The following CRYBG3 variants were observed in gnomAD, a reference collection of about 807,000 sequenced individuals.
CRYBG3 encodes the protein crystallin beta-gamma domain containing 3.
CRYBG3 carries 127 observed loss-of-function variants against 244.2 expected under a neutral mutation model. That is an observed-to-expected ratio of 0.52 (90% CI 0.45 to 0.60). CRYBG3 has a LOEUF of 0.60. Among genes scored for constraint, CRYBG3 ranks in the 20% least tolerant of loss-of-function variants. The pLI is 0.00. For synonymous variants in CRYBG3, 1,132 were observed against 1,195.8 expected (o/e 0.95, Z 1.10); for missense variants, 3,325 against 3,442.5 (o/e 0.97, Z 0.85).
chr3:97,935,060 G>T (rs988817479), intron 18 of CRYBG3, among the ~76,000 whole-genome samples: 1 of 151,948 alleles, frequency 6.6e-6, no homozygotes, highest in African/African-American at 2.4e-5. Flanking sequence ...AACAGTGAAG[G>T]CTGCCTAAGG....
intron 21 of CRYBG3, 65 bp downstream of exon 21, chr3:97,942,508 T>C: frequency 7.0e-7 from 1 of 1,422,788 alleles, no homozygotes; most frequent in African/African-American, 1.4e-5. Context: ...AATCTCCTCA[T>C]TTTGGGTAAA....
chr3:97,908,126 T>C (rs934965888), intron 15 of CRYBG3, among the ~76,000 whole-genome samples: 27 of 152,330 alleles, frequency 1.8e-4, no homozygotes, highest in African/African-American at 6.0e-4. Context: ...TTGTTATTAT[T>C]TCTATTCTTT....
At chr3:97,918,502 T>G (rs1047041901) in intron 17 of CRYBG3, among the ~76,000 whole-genome samples, 2 of 152,210 alleles carry the variant, frequency 1.3e-5, no homozygotes, top group Non-Finnish European at 2.9e-5. Flanking sequence ...TTTCAAATCA[T>G]GGACAGCCTC....
In CRYBG3 at chr3:97,899,391, A is replaced by T. The variant is rs773336378; in HGVS notation, c.7971+128A>T. ...TGTGTATATAGAAAGAAAATGCAAT[A>T]TCACTTGAATTTCTATAGACTCCAT... On this transcript the variant is annotated intron_variant, in intron 14 of 21. Coordinates refer to ENST00000389622, the MANE Select transcript of CRYBG3 (RefSeq NM_153605.4). 1.3e-4 allele frequency: 127 copies of T among 942,252 alleles called. 1 individual carries two copies. The highest frequency in any genetic ancestry group is 1.7e-5 in the African/African-American group (1 of 59,630). 58.4% of individuals were successfully genotyped at this position (942,252 alleles called of 1,614,324 possible). A position where few individuals can be genotyped will look rare whatever the true frequency, so the allele number is the denominator to read the frequency against.
At position 97,888,378 on chromosome 3, in the gene CRYBG3, G is replaced by A; in HGVS notation, c.7327G>A (p.Ala2443Thr). The change falls in exon 9 of 22, where the codon GCT (alanine) becomes ACT (threonine). Residue 2443 changes from alanine (A) to threonine (T), a missense_variant. Transcript: ENST00000389622. ...AYPDINFKGQ[A>T]TVLEEDHGLF... ...CCCAGATATTAATTTTAAGGGACAA[G>A]CTACAGTTCTGGAGGAAGACCATGG... 6.2e-7 allele frequency: 1 copy of A among 1,612,562 alleles called. No individual in the cohort carries two copies. Among genetic ancestry groups the A allele is most frequent in the Non-Finnish European group, 8.5e-7 (1 of 1,179,010 alleles).
intron 2 of CRYBG3, among the ~76,000 whole-genome samples, chr3:97,847,645 G>A (rs1423604180): frequency 1.2e-4 from 18 of 152,086 alleles, no homozygotes; most frequent in African/African-American, 2.4e-4. Context: ...TATCTGGACC[G>A]CAGGTTATAG....
At chr3:97,828,548 C>T (rs1006586351) in intron 1 of CRYBG3, among the ~76,000 whole-genome samples, 7 of 148,768 alleles carry the variant, frequency 4.7e-5, no homozygotes, top group Non-Finnish European at 8.9e-5. Flanking sequence ...AAAAAAAAGC[C>T]GGGCGTGGTG....
chr3:97,882,674 A>G (rs894836467), intron 7 of CRYBG3, among the ~76,000 whole-genome samples: 10 of 152,210 alleles, frequency 6.6e-5, no homozygotes, highest in African/African-American at 2.2e-4. Flanking sequence ...CAAGTTATGG[A>G]GATTTCATTT....
chr3:97,893,015 T>C, intron 11 of CRYBG3, 22 bp downstream of exon 11: 1 of 1,584,110 alleles, frequency 6.3e-7, no homozygotes, highest in Non-Finnish European at 8.6e-7. Context: ...ATTTTTAACA[T>C]TTGCACAAGT....
Position 97,865,399 on chromosome 3 carries a change from A to G in CRYBG3, c.647+752A>G, listed in dbSNP as rs76039384. 1.8e-4 allele frequency among the ~76,000 whole-genome samples: 28 copies of G among 152,332 alleles called. No homozygotes were observed. In the East Asian group the frequency reaches 5.4e-3, roughly 29 times the overall value. On this transcript the variant is annotated intron_variant, in intron 3 of 21. Coordinates refer to ENST00000389622, the MANE Select transcript of CRYBG3 (RefSeq NM_153605.4). ...AGTGAGATATAAGCACTACCTTATAATTATACAGTTCTTTATAGTTTCCAG... is the reference window on the plus strand; with the variant it reads ...AGTGAGATATAAGCACTACCTTATAGTTATACAGTTCTTTATAGTTTCCAG...
Position 97,873,978 on chromosome 3 carries a change from C to T in CRYBG3, c.2784C>T (p.Ala928=), listed in dbSNP as rs2039337882. Residue 928 remains alanine (A), a synonymous_variant, in exon 4 of 22, where the codon GCC becomes GCT. Coordinates refer to ENST00000389622, the MANE Select transcript of CRYBG3 (RefSeq NM_153605.4). ...ATAAGCCAGAACCAGAGGTAGATGC[C>T]TTAGGCTCTCCTCCTGCTCTTCTTA... The part of the protein sequence containing the change: ...YEDKPEPEVD[A]LGSPPALLKS... The T allele has an allele frequency of 3.3e-6, 5 of 1,534,470 alleles. No homozygotes were observed. Among genetic ancestry groups the T allele is most frequent in the Non-Finnish European group, 4.4e-6 (5 of 1,146,524 alleles).
Position 97,872,534 on chromosome 3 carries a change from C to A in CRYBG3, c.1340C>A (p.Thr447Asn), listed in dbSNP as rs2039317530. ...TGTAGTAAATCTGATGGGAGTGACA[C>A]TACTGAGCAGGAAAGTACAAATTTG... Reference protein sequence around the residue: ...FSCSKSDGSDTTEQESTNLPS... With the variant: ...FSCSKSDGSDNTEQESTNLPS... The change falls in exon 4 of 22, where the codon ACT (threonine) becomes AAT (asparagine). Residue 447 changes from threonine to asparagine, a missense_variant. Physicochemically the swap from Thr to Asn is moderately conservative, Grantham distance 65. Around this residue, in one of 4 missense-constraint regions of CRYBG3, gnomAD observed 1,526 missense variants for 1,443.2 expected, o/e 1.06. Coordinates refer to ENST00000389622, the MANE Select transcript of CRYBG3 (RefSeq NM_153605.4). 6.5e-7 allele frequency: 1 copy of A among 1,535,932 alleles called. No individual in the cohort carries two copies. The highest frequency in any genetic ancestry group is 1.4e-5 in the African/African-American group (1 of 73,144).
chr3:97,894,270 ATTC>A (rs1398994111), intron 11 of CRYBG3, among the ~76,000 whole-genome samples: 1 of 152,162 alleles, frequency 6.6e-6, no homozygotes, highest in African/African-American at 2.4e-5. Context: ...GTGCATTGTT[ATTC>A]TCTAAGTTTT....
intron 3 of CRYBG3, among the ~76,000 whole-genome samples, chr3:97,866,171 AC>A (rs2039228552): frequency 1.3e-5 from 2 of 152,168 alleles, no homozygotes; most frequent in African/African-American, 4.8e-5. Context: ...AAATGATAAT[AC>A]CCTGAGTGAG....
chr3:97,829,088 G>T (rs1362186584), intron 1 of CRYBG3, among the ~76,000 whole-genome samples: 1 of 151,786 alleles, frequency 6.6e-6, no homozygotes, highest in Admixed American at 6.6e-5. Context: ...AAAAAGATTG[G>T]ATTAAAATCT....
At chr3:97,844,813 C>T (rs1276940416) in intron 2 of CRYBG3, among the ~76,000 whole-genome samples, 1 of 152,152 alleles carries the variant, frequency 6.6e-6, no homozygotes, top group Non-Finnish European at 1.5e-5. Context: ...TCCATCCATT[C>T]TTAACATCTA....
chr3:97,841,228 A>G (rs1576513629), intron 1 of CRYBG3, among the ~76,000 whole-genome samples: 1 of 150,078 alleles, frequency 6.7e-6, no homozygotes, highest in Admixed American at 6.7e-5. Context: ...GTATATGTAT[A>G]TATGTGTGTA....
At chr3:97,893,888 C>G (rs915127534) in intron 11 of CRYBG3, among the ~76,000 whole-genome samples, 7 of 152,118 alleles carry the variant, frequency 4.6e-5, no homozygotes, top group Admixed American at 1.3e-4. Context: ...CTAGACTTTG[C>G]AGTTTCCGGC....
chr3:97,885,764 G>A (rs769609849), intron 7 of CRYBG3, among the ~76,000 whole-genome samples: 3 of 152,140 alleles, frequency 2.0e-5, no homozygotes, highest in Non-Finnish European at 4.4e-5. Flanking sequence ...CACTAGTTTG[G>A]TGTCCTATTA....
Sources: gnomAD v4.1 joint callset for allele counts (sites outside exome capture counted in the v4.1 genomes callset) on GRCh38, gnomAD v4.1.1 for gene constraint, gnomAD v4.1.1 regional missense constraint, MANE v1.5 for transcripts, NCBI Gene and HGNC (gene_info 2026-07-23, HGNC 2026-07-21) for gene names.